Variants in ZNF69 observed in about 807,000 individuals in gnomAD.
The protein encoded by ZNF69 is ZNF3.
In ZNF69, 47 loss-of-function variants were observed where a neutral mutation model predicts 50.9. The observed-to-expected ratio is 0.92, with a 90% CI of 0.73 to 1.18. ZNF69 has a LOEUF of 1.18. ZNF69 is among the 50% of genes most tolerant of loss of function. The pLI is 0.00. For missense variants in ZNF69, 717 were observed against 675.1 expected (o/e 1.06, Z -0.69); for synonymous variants, 216 against 223.1 (o/e 0.97, Z 0.29).
At chr19:11,952,080 C>A in the ZNF69 span, among the ~76,000 whole-genome samples, 1 of 152,040 alleles carries the variant, frequency 6.6e-6, no homozygotes, top group African/African-American at 2.4e-5. Context: ...GAGGCTGAGA[C>A]AGGAGAATCG....
chr19:11,963,571 T>G, the ZNF69 span, among the ~76,000 whole-genome samples: 6 of 152,238 alleles, frequency 3.9e-5, no homozygotes, highest in East Asian at 9.6e-4. Context: ...CATCAATGAC[T>G]TCTTTGTCAT....
At chr19:11,919,188 C>T (rs1431358103), downstream of ZNF69, among the ~76,000 whole-genome samples, 1 of 152,156 alleles carries the variant, frequency 6.6e-6, no homozygotes, top group Non-Finnish European at 1.5e-5. Context: ...AGCCACCGCG[C>T]CTGGCCCCTT....
At chr19:11,929,534 T>C in the ZNF69 span, among the ~76,000 whole-genome samples, 1 of 148,264 alleles carries the variant, frequency 6.7e-6, no homozygotes, top group African/African-American at 2.6e-5. Flanking sequence ...AATAGGTAAA[T>C]TGTGCCTGAT....
rs1031632549 is a variant in ZNF69 at position 11,903,588 on chromosome 19, G to A, written c.79G>A (p.Asp27Asn). Residue 27 changes from aspartate (D) to asparagine (N), a missense_variant, in exon 2 of 4, where the codon GAT (aspartate) becomes AAT (asparagine). Transcript: ENST00000429654. The stretch of plus-strand genomic sequence containing the variant: ...GATGTTTCAGGACCCAGTGGCCTTT[G>A]ATGATGTTGCTGTGAACTTCACCCA... Reference protein sequence around the residue: ...ESQEMDPVAFDDVAVNFTQEE... With the variant: ...ESQEMDPVAFNDVAVNFTQEE... The A allele has an allele frequency of 1.9e-6, 3 of 1,614,126 alleles. No homozygotes were observed. Among genetic ancestry groups the A allele is most frequent in the East Asian group, 2.2e-5 (1 of 44,882 alleles).
the ZNF69 span, among the ~76,000 whole-genome samples, chr19:11,933,786 A>G: frequency 2.1e-5 from 3 of 145,542 alleles, no homozygotes; most frequent in African/African-American, 5.5e-5. Flanking sequence ...CGGAGCTTGC[A>G]GTGAGCTGAG....
chr19:11,963,912 G>A, the ZNF69 span, among the ~76,000 whole-genome samples: 1 of 152,182 alleles, frequency 6.6e-6, no homozygotes, highest in African/African-American at 2.4e-5. Flanking sequence ...CACCTCCACC[G>A]CGATCTGAAA....
At chr19:11,942,692 G>A in the ZNF69 span, among the ~76,000 whole-genome samples, 1 of 152,212 alleles carries the variant, frequency 6.6e-6, no homozygotes, top group Non-Finnish European at 1.5e-5. Flanking sequence ...ACAGGACAGA[G>A]CAGAACAGAA....
At chr19:11,965,236 C>G in the ZNF69 span, 1 of 1,613,864 alleles carries the variant, frequency 6.2e-7, no homozygotes, top group Non-Finnish European at 8.5e-7. Context: ...CCGGTTGTCC[C>G]GAGACGGGGT....
At chr19:11,948,895 A>G in the ZNF69 span, 2 of 1,604,042 alleles carry the variant, frequency 1.2e-6, no homozygotes, top group Non-Finnish European at 1.7e-6. Context: ...TCATAGTTCT[A>G]GTTCCTATCA....
At position 11,905,793 on chromosome 19, in the gene ZNF69, C is replaced by T; in HGVS notation, c.1396C>T (p.Gln466Ter). ...GAACCTTCAAAGTCATGAAAGGACA[C>T]AAACACACGTAAGAATACACTCTGG... ...MKNLQSHERT[Q>*]THVRIHSGER... Residue 466 changes from glutamine to a stop codon, truncating the protein, a stop_gained, in exon 4 of 4, where the codon CAA becomes TAA. Transcript: ENST00000429654. LOFTEE classifies it high-confidence loss of function. The T allele has an allele frequency of 1.2e-6, 2 of 1,613,696 alleles. No individual in the cohort carries two copies. The highest frequency in any genetic ancestry group is 2.7e-5 in the African/African-American group (2 of 74,824).
At chr19:11,940,535 C>T in the ZNF69 span, among the ~76,000 whole-genome samples, 5 of 152,096 alleles carry the variant, frequency 3.3e-5, no homozygotes, top group Non-Finnish European at 5.9e-5. Context: ...CGTGATCTCG[C>T]TGGCTTCAGG....
chr19:11,916,034 A>T (rs922692710), downstream of ZNF69, among the ~76,000 whole-genome samples: 2 of 152,178 alleles, frequency 1.3e-5, no homozygotes, highest in Non-Finnish European at 2.9e-5. Flanking sequence ...AGCCCCGGAA[A>T]GCTAGGGATC....
chr19:11,901,527 C>G (rs570268389), intron 1 of ZNF69, among the ~76,000 whole-genome samples: 1 of 152,322 alleles, frequency 6.6e-6, no homozygotes, highest in South Asian at 2.1e-4. Flanking sequence ...CTCTGTTGCC[C>G]CGGCTGGAGT....
the ZNF69 span, among the ~76,000 whole-genome samples, chr19:11,939,584 T>C: frequency 2.0e-5 from 3 of 152,204 alleles, no homozygotes; most frequent in African/African-American, 7.2e-5. Context: ...CATTGGTCTA[T>C]ATCTCTGTTT....
the ZNF69 span, chr19:11,925,293 T>C: frequency 1.2e-6 from 2 of 1,610,350 alleles, no homozygotes; most frequent in Admixed American, 1.7e-5. Context: ...CGGGACCAGA[T>C]GTCGTGAGAC....
the ZNF69 span, among the ~76,000 whole-genome samples, chr19:11,944,560 A>G: frequency 6.6e-6 from 1 of 152,176 alleles, no homozygotes; most frequent in South Asian, 2.1e-4. Context: ...TAGGAATAAG[A>G]TCTTGAAGAA....
chr19:11,948,791 G>T, the ZNF69 span: 6 of 1,611,288 alleles, frequency 3.7e-6, no homozygotes, highest in Non-Finnish European at 4.2e-6. Flanking sequence ...AAACAATGTG[G>T]TAAATCCTTT....
chr19:11,963,088 A>AGAGAGAGAGAGAGTGTGT, the ZNF69 span, among the ~76,000 whole-genome samples: 63 of 138,312 alleles, frequency 4.6e-4, no homozygotes, highest in African/African-American at 1.8e-3. Flanking sequence ...AGAGAGAGAG[A>AGAGAGAGAGAGAGTGTGT]GTGTGTGTGT....
chr19:11,890,341 C>T lies in ZNF69; in HGVS notation c.63+2355C>T, dbSNP rs192829972. ...GCAGTGCACTGTGCCCCTGGTTAAC[C>T]GAGAATGGAGAATGGTGATGACTTT... On this transcript the variant is annotated intron_variant, in intron 1 of 3. Coordinates refer to ENST00000429654, the MANE Select transcript of ZNF69 (RefSeq NM_001364730.1). Among the ~76,000 whole-genome samples, 354 of 152,258 alleles carry T rather than the reference C, an allele frequency of 2.3e-3. 1 individual carries two copies. The highest frequency in any genetic ancestry group is 8.3e-3 in the African/African-American group (346 of 41,548).
Sources: allele counts gnomAD v4.1 joint callset (sites outside exome capture counted in the v4.1 genomes callset), GRCh38; gene constraint gnomAD v4.1.1; transcripts MANE v1.5; gene names NCBI Gene and HGNC (gene_info 2026-07-23, HGNC 2026-07-21).